GMNC: variants seen among roughly 807,000 people sequenced by gnomAD.
GMNC encodes geminin coiled-coil domain-containing protein 1.
In GMNC, 16 loss-of-function variants were observed where a neutral mutation model predicts 33.6. The observed-to-expected ratio is 0.48, with a 90% confidence interval of 0.32 to 0.72. The LOEUF (loss-of-function observed/expected upper bound fraction) is 0.72. Ranked by LOEUF, GMNC falls within the 30% of genes least tolerant of loss-of-function variation. The pLI, the probability that GMNC is intolerant of heterozygous loss-of-function variation, is 0.03. For missense variants in GMNC, 393 were observed against 388.9 expected, an observed-to-expected ratio of 1.01 and a Z score of -0.09; for synonymous variants, 156 against 147.3, an observed-to-expected ratio of 1.06 and a Z score of -0.43.
chr3:190,843,943 A>C, the GMNC span, among the ~76,000 whole-genome samples: 1 of 152,220 alleles, frequency 6.6e-6, no homozygotes, highest in Admixed American at 6.5e-5. Flanking sequence ...TGTTTTATTC[A>C]AAAATAATGA....
At chr3:190,856,288 ATATT>A (rs1213295242) in intron 4 of GMNC, among the ~76,000 whole-genome samples, 4 of 142,454 alleles carry the variant, frequency 2.8e-5, no homozygotes, top group African/African-American at 7.9e-5. Context: ...TTATTTATAA[ATATT>A]TATAAATAAT....
At position 190,860,966 on chromosome 3, in the gene GMNC, T is replaced by C. The variant is rs375652162; in HGVS notation, c.4-108A>G. 1.5e-5 allele frequency: 11 copies of C among 740,606 alleles called. No homozygotes were observed. In the African/African-American group the frequency reaches 2.0e-4, roughly 13 times the overall value. 45.9% of individuals were successfully genotyped at this position (740,606 alleles called of 1,614,324 possible). A position where few individuals can be genotyped will look rare whatever the true frequency, so the allele number is the denominator to read the frequency against. On this transcript the variant is annotated intron_variant, in intron 1 of 4. Transcript: ENST00000442080. ...TACCGAAATTACATGCAGTGAAATA[T>C]AAAGAAAAAAAATCAGAAAAGGTGT...
In GMNC at chr3:190,862,362, A is replaced by AGAGAGAGAGAGAGAGGGCGAGAGAG. The variant is rs1553787646; in HGVS notation, c.3+250_3+251insCTCTCTCGCCCTCTCTCTCTCTCTC. ...AAGTAAGGAAAGTAGTAATAACAGA[A>AGAGAGAGAGAGAGAGGGCGAGAGAG]AGAGAGAGAGAGGGCGAGAGAGAGA... On this transcript the variant is annotated intron_variant, in intron 1 of 4. Coordinates refer to ENST00000442080, the MANE Select transcript of GMNC (RefSeq NM_001146686.3). This position sits in a 1 kb window ranked among gnomAD's most constrained non-coding sequence, Gnocchi z 4.5. Among the ~76,000 whole-genome samples the AGAGAGAGAGAGAGAGGGCGAGAGAG allele has an allele frequency of 1.4e-5, 2 of 147,548 alleles. No homozygotes were observed. The highest frequency in any genetic ancestry group is 2.5e-5 in the African/African-American group (1 of 40,256).
intron 2 of GMNC, 114 bp downstream of exon 2, chr3:190,860,570 A>T: frequency 1.2e-6 from 1 of 851,774 alleles, no homozygotes; most frequent in Non-Finnish European, 1.8e-6. Context: ...CCTTGGGTTT[A>T]CTTAAATTTT....
downstream of GMNC, among the ~76,000 whole-genome samples, chr3:190,848,931 G>A (rs558985085): frequency 6.6e-5 from 10 of 152,190 alleles, no homozygotes; most frequent in South Asian, 1.0e-3. Flanking sequence ...CTCTGTATTC[G>A]GATCAACTGA....
chr3:190,858,152 A>G, intron 3 of GMNC: 1 of 394,668 alleles, frequency 2.5e-6, no homozygotes, highest in East Asian at 3.7e-5. Flanking sequence ...TAAAATTGTA[A>G]CCACAAGCGA....
chr3:190,861,551 A>T lies in GMNC; in HGVS notation c.4-693T>A, dbSNP rs1351332950. ...ATTAAAACATTTTGCTCCCAACACT[A>T]AGCACAGGACCACAAAGCTGCTCCA... On this transcript the variant is annotated intron_variant, in intron 1 of 4. Coordinates refer to ENST00000442080, the MANE Select transcript of GMNC (RefSeq NM_001146686.3). This position sits in a 1 kb window ranked among gnomAD's most constrained non-coding sequence, Gnocchi z 5.1. Among the ~76,000 whole-genome samples, 1 of 152,134 alleles carries T rather than the reference A, an allele frequency of 6.6e-6. No individual in the cohort carries two copies. Among genetic ancestry groups the T allele is most frequent in the African/African-American group, 2.4e-5 (1 of 41,414 alleles).
chr3:190,862,651 C>T lies in GMNC; in HGVS notation c.-36G>A. The T allele has an allele frequency of 3.9e-6, 6 of 1,552,210 alleles. No individual in the cohort carries two copies. The highest frequency in any genetic ancestry group is 5.2e-6 in the Non-Finnish European group (6 of 1,147,058). ...AAGAAAGCGCTGCAGAAACTGAGCC[C>T]ACTCAATTTTTCAGTAAAACCAGTG... is the stretch of plus-strand genomic sequence containing the variant. On this transcript the variant is annotated 5_prime_UTR_variant, in exon 1 of 5. Transcript: ENST00000442080. This position sits in a 1 kb window ranked among gnomAD's most constrained non-coding sequence, Gnocchi z 4.5.
Position 190,853,042 on chromosome 3 carries a change from A to G in GMNC, c.*2253T>C, listed in dbSNP as rs1737661192. On this transcript the variant is annotated 3_prime_UTR_variant, in exon 5 of 5. Coordinates refer to ENST00000442080, the MANE Select transcript of GMNC (RefSeq NM_001146686.3). ...CAGGAAACCATCACATTTTATCCCAAATGTTCGGTAATATCTTTAAACTGG... is the reference window on the plus strand; with the variant it reads ...CAGGAAACCATCACATTTTATCCCAGATGTTCGGTAATATCTTTAAACTGG... 6.6e-6 allele frequency: 1 copy of G among 152,110 alleles called. No individual in the cohort carries two copies. The highest frequency in any genetic ancestry group is 2.4e-5 in the African/African-American group (1 of 41,440). The allele number at this position is 152,110 out of a possible 1,614,324, so 9.4% of individuals were successfully genotyped here.
At chr3:190,859,685 C>G in intron 2 of GMNC, 1 of 294,028 alleles carries the variant, frequency 3.4e-6, no homozygotes, top group Non-Finnish European at 6.8e-6. Context: ...GTGCCTTTTC[C>G]CCCCATATTT....
chr3:190,861,644 A>G lies in GMNC; in HGVS notation c.4-786T>C, dbSNP rs1292477324. Among the ~76,000 whole-genome samples the G allele has an allele frequency of 6.6e-6, 1 of 152,168 alleles. No individual in the cohort carries two copies. Among genetic ancestry groups the G allele is most frequent in the East Asian group, 1.9e-4 (1 of 5,176 alleles). On this transcript the variant is annotated intron_variant, in intron 1 of 4. Transcript: ENST00000442080. This position sits in a 1 kb window ranked among gnomAD's most constrained non-coding sequence, Gnocchi z 5.1. Reference sequence around the variant, plus strand: ...ACAGCAAGCTCTAGTTCTGTCCATCACTAGGGCTCAGTGCCCCTCCAAAGT... The same window carrying G: ...ACAGCAAGCTCTAGTTCTGTCCATCGCTAGGGCTCAGTGCCCCTCCAAAGT...
At position 190,862,362 on chromosome 3, in the gene GMNC, A is replaced by AGAGAGAGAGAGAGAGGGCGAGAGAGAG. The variant is rs1553787646; in HGVS notation, c.3+250_3+251insCTCTCTCTCGCCCTCTCTCTCTCTCTC. 0.013 allele frequency among the ~76,000 whole-genome samples: 1,877 copies of AGAGAGAGAGAGAGAGGGCGAGAGAGAG among 147,622 alleles called. 22 individuals are homozygous for AGAGAGAGAGAGAGAGGGCGAGAGAGAG. Among genetic ancestry groups the AGAGAGAGAGAGAGAGGGCGAGAGAGAG allele is most frequent in the Middle Eastern group, 0.028 (8 of 286 alleles). ...AAGTAAGGAAAGTAGTAATAACAGA[A>AGAGAGAGAGAGAGAGGGCGAGAGAGAG]AGAGAGAGAGAGGGCGAGAGAGAGA... On this transcript the variant is annotated intron_variant, in intron 1 of 4. Coordinates refer to ENST00000442080, the MANE Select transcript of GMNC (RefSeq NM_001146686.3). This position sits in a 1 kb window ranked among gnomAD's most constrained non-coding sequence, Gnocchi z 4.5.
At chr3:190,845,102 T>C in the GMNC span, among the ~76,000 whole-genome samples, 1 of 152,128 alleles carries the variant, frequency 6.6e-6, no homozygotes, top group Non-Finnish European at 1.5e-5. Flanking sequence ...AAAAATTAGG[T>C]GTTAGTCCTA....
intron 3 of GMNC, 64 bp from the exon 4 acceptor site, chr3:190,857,963 G>T: frequency 1.2e-6 from 1 of 844,150 alleles, no homozygotes; most frequent in Non-Finnish European, 2.0e-6. Flanking sequence ...TTATAATAAT[G>T]CCACTGCTCC....
At chr3:190,860,654 C>T in intron 2 of GMNC, 30 bp downstream of exon 2, 1 of 1,526,088 alleles carries the variant, frequency 6.6e-7, no homozygotes, top group Non-Finnish European at 8.8e-7. Flanking sequence ...AGCTCCAGAT[C>T]TATCAGGGAA....
rs533805396 is a variant in GMNC, at chr3:190,861,459, T to C, written c.4-601A>G. ...TCTGTCTGTCTGTCTGCCTATCATC[T>C]ATCTATCTATCTATCTATCTATCTA... On this transcript the variant is annotated intron_variant, in intron 1 of 4. Coordinates refer to ENST00000442080, the MANE Select transcript of GMNC (RefSeq NM_001146686.3). The surrounding 1 kb of genome is among the most constrained non-coding windows in gnomAD (Gnocchi z 5.1). Among the ~76,000 whole-genome samples the C allele has an allele frequency of 1.6e-4, 9 of 55,768 alleles. No individual in the cohort carries two copies. Among genetic ancestry groups the C allele is most frequent in the Admixed American group, 5.7e-4 (3 of 5,278 alleles). 36.6% of individuals were successfully genotyped at this position (55,768 alleles called of 152,430 possible).
At chr3:190,851,073 A>G (rs1480218999), downstream of GMNC, among the ~76,000 whole-genome samples, 1 of 152,216 alleles carries the variant, frequency 6.6e-6, no homozygotes, top group Non-Finnish European at 1.5e-5. Flanking sequence ...CTGAGATGCA[A>G]GTCTCAAATC....
chr3:190,861,461 T>C lies in GMNC; in HGVS notation c.4-603A>G, dbSNP rs1207944795. On this transcript the variant is annotated intron_variant, in intron 1 of 4. Coordinates refer to ENST00000442080, the MANE Select transcript of GMNC (RefSeq NM_001146686.3). The surrounding 1 kb of genome is among the most constrained non-coding windows in gnomAD (Gnocchi z 5.1). Reference sequence around the variant, plus strand: ...TGTCTGTCTGTCTGCCTATCATCTATCTATCTATCTATCTATCTATCTATC... The same window carrying C: ...TGTCTGTCTGTCTGCCTATCATCTACCTATCTATCTATCTATCTATCTATC... Among the ~76,000 whole-genome samples, 891 of 124,812 alleles carry C rather than the reference T, an allele frequency of 7.1e-3. 17 individuals are homozygous for C. The East Asian group carries it at 0.081, about 11-fold the overall frequency. The allele number at this position is 124,812 out of a possible 152,430, so 81.9% of individuals were successfully genotyped here. A position where few individuals can be genotyped will look rare whatever the true frequency, so the allele number is the denominator to read the frequency against.
downstream of GMNC, among the ~76,000 whole-genome samples, chr3:190,851,472 A>G (rs986501524): frequency 6.6e-6 from 1 of 152,232 alleles, no homozygotes; most frequent in African/African-American, 2.4e-5. Context: ...TACTGGAAAT[A>G]TAAACATCAA....
Sources: gnomAD v4.1 joint callset for allele counts (sites outside exome capture counted in the v4.1 genomes callset) on GRCh38, gnomAD v4.1.1 for gene constraint, Gnocchi (gnomAD v3.1) non-coding constraint, MANE v1.5 for transcripts, NCBI Gene and HGNC (gene_info 2026-07-23, HGNC 2026-07-21) for gene names.